Variants in BAIAP2 observed in about 807,000 individuals in gnomAD.
BAIAP2 encodes the protein BAR/IMD domain containing adaptor protein 2, also known as BAR/IMD domain-containing adapter protein 2.
Under a neutral mutation model 63.0 loss-of-function variants are expected in BAIAP2, and 18 were observed. The ratio of observed to expected loss-of-function variants is 0.29; its 90% CI spans 0.20 to 0.42. The LOEUF (loss-of-function observed/expected upper bound fraction) is 0.42. BAIAP2 is among the 10% of genes least tolerant of loss of function. BAIAP2 has a pLI of 1.00. For missense variants in BAIAP2, 610 were observed against 734.3 expected, an observed-to-expected ratio of 0.83 and a Z score of 1.96; for synonymous variants, 386 against 307.6, an observed-to-expected ratio of 1.25 and a Z score of -2.67.
In BAIAP2 at chr17:81,116,386, G is replaced by A. The variant is rs552972970; in HGVS notation, c.*547G>A. ...GGCCTGGTCCCTCCCCATGCCCCTC[G>A]GTGGGGCTCTCCTGGGCCCCTCACT... On this transcript the variant is annotated 3_prime_UTR_variant, in exon 14 of 14. Coordinates refer to ENST00000428708, the MANE Select transcript of BAIAP2 (RefSeq NM_001144888.2). The A allele has an allele frequency of 7.0e-5, 109 of 1,552,198 alleles. No individual in the cohort carries two copies. In the African/African-American group the frequency reaches 1.0e-3, roughly 14 times the overall value.
chr17:81,091,185 G>GGCCCC (rs1468185471), intron 6 of BAIAP2, among the ~76,000 whole-genome samples: 5 of 30,548 alleles, frequency 1.6e-4, no homozygotes, highest in South Asian at 2.6e-3. Context: ...CCATTTATGT[G>GGCCCC]GCCCCACCCC....
chr17:81,056,575 T>C (rs2049601789), intron 2 of BAIAP2: 1 of 152,360 alleles, frequency 6.6e-6, no homozygotes, highest in African/African-American at 2.4e-5. Flanking sequence ...TCCCCTCCTC[T>C]GGGTGAGCAG....
intron 2 of BAIAP2, among the ~76,000 whole-genome samples, chr17:81,054,323 CTG>C (rs1311815748): frequency 6.6e-6 from 1 of 151,272 alleles, no homozygotes; most frequent in Non-Finnish European, 1.5e-5. Context: ...GCTGGTAGAA[CTG>C]TGCCCGGGCC....
In BAIAP2 at chr17:81,046,673, T is replaced by C. The variant is rs545986605; in HGVS notation, c.55-6995T>C. On this transcript the variant is annotated intron_variant, in intron 1 of 13. Transcript: ENST00000428708. The surrounding 1 kb of genome is among the most constrained non-coding windows in gnomAD (Gnocchi z 4.5). ...CCTGTGGCCCCCGGACAGCAAGCTC[T>C]GAGGTGTCCTCCCGCGAGGACACTG... 2.5e-3 allele frequency among the ~76,000 whole-genome samples: 381 copies of C among 152,278 alleles called. 1 individual carries two copies. The highest frequency in any genetic ancestry group is 6.8e-3 in the Middle Eastern group (2 of 294).
intron 11 of BAIAP2, 23 bp downstream of exon 11, chr17:81,106,169 G>A (rs2059158637): frequency 3.2e-6 from 5 of 1,564,312 alleles, no homozygotes; most frequent in African/African-American, 1.3e-5. Context: ...CCCAACGGGA[G>A]TGTAAGATCC....
At chr17:81,100,823 C>CA (rs1334714796) in intron 7 of BAIAP2, among the ~76,000 whole-genome samples, 1 of 152,124 alleles carries the variant, frequency 6.6e-6, no homozygotes, top group African/African-American at 2.4e-5. Flanking sequence ...CCCTGGGACT[C>CA]AAACCTGGTC....
chr17:81,103,359 TG>T, intron 7 of BAIAP2, 142 bp from the exon 8 acceptor site: 1 of 751,908 alleles, frequency 1.3e-6, no homozygotes, highest in South Asian at 1.8e-5. Flanking sequence ...GGCTCACGGG[TG>T]GCCTGTCTCG....
chr17:81,045,958 A>G (rs978405732), intron 1 of BAIAP2, among the ~76,000 whole-genome samples: 2 of 152,074 alleles, frequency 1.3e-5, no homozygotes, highest in African/African-American at 2.4e-5. Flanking sequence ...CTGCTTCCTG[A>G]CACCCAGAGC....
At chr17:81,101,785 C>A (rs1161257997) in intron 7 of BAIAP2, among the ~76,000 whole-genome samples, 2 of 152,250 alleles carry the variant, frequency 1.3e-5, no homozygotes, top group Non-Finnish European at 2.9e-5. Context: ...CAGGCAAGGA[C>A]AGCAGCAGCA....
chr17:81,047,722 CAT>C (rs768592799), intron 1 of BAIAP2, among the ~76,000 whole-genome samples: 80 of 151,920 alleles, frequency 5.3e-4, no homozygotes, highest in Middle Eastern at 3.4e-3. Flanking sequence ...GCGTCCAGCA[CAT>C]GTGTGAGTGT....
chr17:81,044,663 C>T (rs556332820), intron 1 of BAIAP2, among the ~76,000 whole-genome samples: 1 of 152,162 alleles, frequency 6.6e-6, no homozygotes, highest in African/African-American at 2.4e-5. Flanking sequence ...CTGGAGGGGC[C>T]GAGTCTCCCA....
rs913113168 is a variant in BAIAP2, at chr17:81,037,091, G to A, written c.54+1783G>A. On this transcript the variant is annotated intron_variant, in intron 1 of 13. Coordinates refer to ENST00000428708, the MANE Select transcript of BAIAP2 (RefSeq NM_001144888.2). ...TTATCTGCAGGTCTAAGTGAAATCTGCTGGCAGGAAAACTCTTAGGACTGA... is the reference window on the plus strand; with the variant it reads ...TTATCTGCAGGTCTAAGTGAAATCTACTGGCAGGAAAACTCTTAGGACTGA... 7.5e-6 allele frequency: 6 copies of A among 794,962 alleles called. No individual in the cohort carries two copies. The South Asian group carries it at 8.4e-5, about 11-fold the overall frequency. 49.2% of individuals were successfully genotyped at this position (794,962 alleles called of 1,614,324 possible).
chr17:81,111,292 C>G (rs1331569576), intron 13 of BAIAP2, among the ~76,000 whole-genome samples: 1 of 152,266 alleles, frequency 6.6e-6, no homozygotes, highest in African/African-American at 2.4e-5. Flanking sequence ...AGGGTGACCC[C>G]GGCAAGCAGC....
chr17:81,116,157 G>C lies in BAIAP2; in HGVS notation c.*318G>C. ...TGAGTTAAGGGAGGACATTTGGCCAGCTGGTGGCTGGGAGGGGAGCCTGGC... is the reference window on the plus strand; with the variant it reads ...TGAGTTAAGGGAGGACATTTGGCCACCTGGTGGCTGGGAGGGGAGCCTGGC... On this transcript the variant is annotated 3_prime_UTR_variant, in exon 14 of 14. Coordinates refer to ENST00000428708, the MANE Select transcript of BAIAP2 (RefSeq NM_001144888.2). 1.2e-6 allele frequency: 2 copies of C among 1,602,236 alleles called. No individual in the cohort carries two copies. Among genetic ancestry groups the C allele is most frequent in the African/African-American group, 1.3e-5 (1 of 74,920 alleles).
rs1407786457 is a variant in BAIAP2, at chr17:81,099,914, C to T, written c.490-14C>T. On this transcript the variant is annotated splice_polypyrimidine_tract_variant and intron_variant, in intron 6 of 13. Coordinates refer to ENST00000428708, the MANE Select transcript of BAIAP2 (RefSeq NM_001144888.2). The stretch of plus-strand genomic sequence containing the variant: ...TCCATCGCTGGCTGAGCCTTTCTCC[C>T]TTTCCCTCCACAGTACATCGACGCC... 9 of 1,609,796 alleles carry T rather than the reference C, an allele frequency of 5.6e-6. No individual in the cohort carries two copies. The highest frequency in any genetic ancestry group is 1.7e-4 in the Middle Eastern group (1 of 6,046).
rs1054102847 is a variant in BAIAP2 at position 81,116,819 on chromosome 17, T to C, written c.*980T>C. On this transcript the variant is annotated 3_prime_UTR_variant, in exon 14 of 14. Transcript: ENST00000428708. ...GCCCTTACCTGGCTGGGGAGGTGTC[T>C]CCAGCAGAGCTCACTCCCGCCTACA... The C allele has an allele frequency of 4.4e-5, 7 of 158,548 alleles. No homozygotes were observed. The highest frequency in any genetic ancestry group is 1.4e-4 in the African/African-American group (6 of 41,650). The allele number at this position is 158,548 out of a possible 1,614,324, so 9.8% of individuals were successfully genotyped here.
Position 81,108,481 on chromosome 17 carries a change from G to A in BAIAP2, c.1507G>A (p.Asp503Asn). 6.2e-7 allele frequency: 1 copy of A among 1,613,850 alleles called. No individual in the cohort carries two copies. The highest frequency in any genetic ancestry group is 1.1e-5 in the South Asian group (1 of 91,090). ...TTTCTGCCTCTGCCCCCAGGGCCTG[G>A]ATGACTATGGAGCGCGGTCCATGAG... ...VAVPAFSQGL[D>N]DYGARSMSRN... Residue 503 changes from aspartate (D) to asparagine (N), a missense_variant, in exon 13 of 14, where the codon GAT becomes AAT. Asp to Asn is a conservative substitution (Grantham distance 23). This residue lies in a region of BAIAP2 where 114 missense variants were observed against 98.2 expected (regional missense o/e 1.16). Coordinates refer to ENST00000428708, the MANE Select transcript of BAIAP2 (RefSeq NM_001144888.2).
intron 13 of BAIAP2, chr17:81,109,372 T>TAAAAAAAAAAAAAAAAAAAAAAGAA (rs2059601756): frequency 1.3e-6 from 1 of 757,188 alleles, no homozygotes; most frequent in African/African-American, 2.2e-5. Flanking sequence ...AGAAAAATCT[T>TAAAAAAAAAAAAAAAAAAAAAAGAA]AAAAAAAAAA....
chr17:81,087,311 C>T (rs952541636), intron 6 of BAIAP2, among the ~76,000 whole-genome samples: 2 of 152,222 alleles, frequency 1.3e-5, no homozygotes, highest in African/African-American at 4.8e-5. Flanking sequence ...CCCGGGCCTC[C>T]AGGCCGCACC....
Sources: gnomAD v4.1 joint callset for allele counts (sites outside exome capture counted in the v4.1 genomes callset) on GRCh38, gnomAD v4.1.1 for gene constraint, gnomAD v4.1.1 regional missense constraint, Gnocchi (gnomAD v3.1) non-coding constraint, MANE v1.5 for transcripts, NCBI Gene and HGNC (gene_info 2026-07-23, HGNC 2026-07-21) for gene names.